The following TRIM68 variants were observed in gnomAD, a reference collection of about 807,000 sequenced individuals.
The protein encoded by TRIM68 is E3 ubiquitin-protein ligase TRIM68.
A neutral mutation model predicts 41.9 loss-of-function variants in TRIM68; 36 were observed. That is an observed-to-expected ratio of 0.86 (90% CI 0.66 to 1.14). TRIM68 has a LOEUF of 1.14. Ranked by LOEUF, TRIM68 falls within the 50% of genes most tolerant of loss-of-function variation. TRIM68 has a pLI of 0.00. For synonymous variants in TRIM68, 225 were observed against 224.6 expected (o/e 1.00, Z -0.02); for missense variants, 632 against 605.1 (o/e 1.04, Z -0.47).
Position 4,600,876 on chromosome 11 carries a change from T to C in TRIM68, c.908-50A>G, listed in dbSNP as rs1302159936. On this transcript the variant is annotated intron_variant, in intron 6 of 6. Coordinates refer to ENST00000300747, the MANE Select transcript of TRIM68 (RefSeq NM_018073.8). Reference sequence around the variant, plus strand: ...AACAGTGATATAGGGCCAGGGGACATGGGTGAGAGCCCTCTGATAAATTCA... The same window carrying C: ...AACAGTGATATAGGGCCAGGGGACACGGGTGAGAGCCCTCTGATAAATTCA... 3.8e-6 allele frequency: 6 copies of C among 1,586,266 alleles called. No individual in the cohort carries two copies. In the Admixed American group the frequency reaches 8.5e-5, roughly 23 times the overall value.
chr11:4,600,939 T>C, intron 6 of TRIM68, 88 bp downstream of exon 6: 1 of 1,568,918 alleles, frequency 6.4e-7, no homozygotes, highest in Non-Finnish European at 8.8e-7. Flanking sequence ...TGAGGCTGGA[T>C]GGAGCACCCA....
In TRIM68 at chr11:4,605,786, T is replaced by C. The variant is rs145129614; in HGVS notation, c.-57-225A>G. Reference sequence around the variant, plus strand: ...ATGGGGATGCCTAAGTGAGTGAATATTGGGAGTCCTCGGTTTTCATTCACT... The same window carrying C: ...ATGGGGATGCCTAAGTGAGTGAATACTGGGAGTCCTCGGTTTTCATTCACT... On this transcript the variant is annotated intron_variant, in intron 1 of 6. Coordinates refer to ENST00000300747, the MANE Select transcript of TRIM68 (RefSeq NM_018073.8). Among the ~76,000 whole-genome samples, 26 of 152,314 alleles carry C rather than the reference T, an allele frequency of 1.7e-4. No individual in the cohort carries two copies. The East Asian group carries it at 4.6e-3, about 27-fold the overall frequency.
In TRIM68 at chr11:4,608,037, G is replaced by C. The variant is rs1287526715; in HGVS notation, c.-68C>G. The C allele has an allele frequency of 2.0e-5, 3 of 152,320 alleles. No individual in the cohort carries two copies. The highest frequency in any genetic ancestry group is 4.4e-5 in the Non-Finnish European group (3 of 68,094). The allele number at this position is 152,320 out of a possible 1,614,324, so 9.4% of individuals were successfully genotyped here. On this transcript the variant is annotated 5_prime_UTR_variant, in exon 1 of 7. Coordinates refer to ENST00000300747, the MANE Select transcript of TRIM68 (RefSeq NM_018073.8). ...GAGTTATCTACCCACCTCCCTCCTCGGCCCGGACTGGCGCTTCGCGGCGGA... is the reference window on the plus strand; with the variant it reads ...GAGTTATCTACCCACCTCCCTCCTCCGCCCGGACTGGCGCTTCGCGGCGGA...
At chr11:4,602,715 A>C (rs925611299) in intron 3 of TRIM68, among the ~76,000 whole-genome samples, 2 of 152,202 alleles carry the variant, frequency 1.3e-5, no homozygotes, top group Admixed American at 6.5e-5. Context: ...TAAGTCTCTA[A>C]GGCAGTGTAA....
At position 4,608,136 on chromosome 11, in the gene TRIM68, A is replaced by G. The variant is rs1354880096; in HGVS notation, c.-167T>C. On this transcript the variant is annotated 5_prime_UTR_variant, in exon 1 of 7. Coordinates refer to ENST00000300747, the MANE Select transcript of TRIM68 (RefSeq NM_018073.8). ...CAGAAGCTGCCGTTCCCGGCAGCTC[A>G]GCACTTAGGGCCAGAGAGCGGCAGA... 1 of 152,420 alleles carries G rather than the reference A, an allele frequency of 6.6e-6. No homozygotes were observed. The highest frequency in any genetic ancestry group is 1.5e-5 in the Non-Finnish European group (1 of 68,178). The allele number at this position is 152,420 out of a possible 1,614,324, so 9.4% of individuals were successfully genotyped here.
Position 4,602,428 on chromosome 11 carries a change from G to A in TRIM68, c.523-16C>T, listed in dbSNP as rs374277038. 6 of 1,611,622 alleles carry A rather than the reference G, an allele frequency of 3.7e-6. No individual in the cohort carries two copies. The highest frequency in any genetic ancestry group is 1.3e-5 in the African/African-American group (1 of 74,844). On this transcript the variant is annotated splice_polypyrimidine_tract_variant and intron_variant, in intron 3 of 6. Transcript: ENST00000300747. ...CCACCTGTATCTGTGGAGCCAAGAT[G>A]GAAATCAGCACTGATACTTTCAGTC...
Position 4,602,311 on chromosome 11 carries a change from C to T in TRIM68, c.624G>A (p.Glu208=). 6.2e-7 allele frequency: 1 copy of T among 1,614,204 alleles called. No individual in the cohort carries two copies. The highest frequency in any genetic ancestry group is 8.5e-7 in the Non-Finnish European group (1 of 1,180,050). The change falls in exon 4 of 7, where the codon GAG becomes GAA. Residue 208 remains glutamate, a synonymous_variant. Coordinates refer to ENST00000300747, the MANE Select transcript of TRIM68 (RefSeq NM_018073.8). ...GTAGGCTGGCCAGAGCTGCTGCTAC[C>T]TCTGCCCCCAGCTGCCGATGTGGTG... The part of the protein sequence containing the change: ...KQPPHRQLGA[E]VAAALASLQR...
chr11:4,602,083 T>C (rs1263515533), intron 4 of TRIM68, 69 bp downstream of exon 4: 2 of 1,598,194 alleles, frequency 1.3e-6, no homozygotes. Flanking sequence ...GGGTAACTGA[T>C]GCTCTCTCCT....
intron 1 of TRIM68, among the ~76,000 whole-genome samples, chr11:4,605,813 G>C (rs770146490): frequency 6.6e-6 from 1 of 152,084 alleles, no homozygotes; most frequent in African/African-American, 2.4e-5. Flanking sequence ...TCATTCACTT[G>C]GTCAACTCTG....
In TRIM68 at chr11:4,603,346, A is replaced by G. The variant is rs1846522135; in HGVS notation, c.427-6T>C. The G allele has an allele frequency of 6.2e-7, 1 of 1,614,038 alleles. No individual in the cohort carries two copies. Among genetic ancestry groups the G allele is most frequent in the Non-Finnish European group, 8.5e-7 (1 of 1,179,950 alleles). The stretch of plus-strand genomic sequence containing the variant: ...AGGGCCTCATGAAGTTCCCACTGCA[A>G]GAGACAAAACCCTCATGAGGCCACC... On this transcript the variant is annotated splice_region_variant and splice_polypyrimidine_tract_variant and intron_variant, in intron 2 of 6. Transcript: ENST00000300747.
At position 4,605,393 on chromosome 11, in the gene TRIM68, T is replaced by G. The variant is rs755852455; in HGVS notation, c.112A>C (p.Ser38Arg). The G allele has an allele frequency of 1.9e-6, 3 of 1,614,238 alleles. No individual in the cohort carries two copies. The East Asian group carries it at 6.7e-5, about 36-fold the overall frequency. Residue 38 changes from serine (S) to arginine (R), a missense_variant, in exon 2 of 7, where the codon AGC becomes CGC. Ser to Arg is a moderately radical substitution (Grantham distance 110). Coordinates refer to ENST00000300747, the MANE Select transcript of TRIM68 (RefSeq NM_018073.8). Reference protein sequence around the residue: ...SIDCGHSFCHSCLSGLWEIPG... With the variant: ...SIDCGHSFCHRCLSGLWEIPG... ...ATCTCCCAGAGTCCAGAGAGACAGC[T>G]GTGGCAGAAGCTGTGGCCACAGTCA... is the stretch of plus-strand genomic sequence containing the variant.
At position 4,599,893 on chromosome 11, in the gene TRIM68, A is replaced by C. The variant is rs1215726000; in HGVS notation, c.*383T>G. The C allele has an allele frequency of 5.7e-6, 1 of 175,322 alleles. No individual in the cohort carries two copies. The highest frequency in any genetic ancestry group is 1.2e-5 in the Non-Finnish European group (1 of 82,928). 10.9% of individuals were successfully genotyped at this position (175,322 alleles called of 1,614,324 possible). A position where few individuals can be genotyped will look rare whatever the true frequency, so the allele number is the denominator to read the frequency against. On this transcript the variant is annotated 3_prime_UTR_variant, in exon 7 of 7. Transcript: ENST00000300747. ...GAAAGCCCATCTAATGGTGTCCTGA[A>C]GACTGTATCTACTTCATCATCCTCA...
chr11:4,600,046 G>C lies in TRIM68; in HGVS notation c.*230C>G. 1 of 477,524 alleles carries C rather than the reference G, an allele frequency of 2.1e-6. No individual in the cohort carries two copies. Among genetic ancestry groups the C allele is most frequent in the Non-Finnish European group, 3.7e-6 (1 of 270,490 alleles). The allele number at this position is 477,524 out of a possible 1,614,324, so 29.6% of individuals were successfully genotyped here. ...TCTGATCCTCACCATCAGCCCTGTC[G>C]TGCTTCCCTCATGGGATGCAATGCT... On this transcript the variant is annotated 3_prime_UTR_variant, in exon 7 of 7. Coordinates refer to ENST00000300747, the MANE Select transcript of TRIM68 (RefSeq NM_018073.8).
At chr11:4,603,150 ATTCT>A in intron 3 of TRIM68, 91 bp downstream of exon 3, 1 of 1,181,450 alleles carries the variant, frequency 8.5e-7, no homozygotes, top group South Asian at 1.2e-5. Flanking sequence ...CAAGCCTCAC[ATTCT>A]GCCTCACAGT....
intron 3 of TRIM68, among the ~76,000 whole-genome samples, chr11:4,602,801 G>T (rs1846513058): frequency 6.6e-6 from 1 of 152,184 alleles, no homozygotes; most frequent in Non-Finnish European, 1.5e-5. Context: ...GATTGGTTCA[G>T]TGTTACTTTC....
rs989163558 is a variant in TRIM68, at chr11:4,598,720, C to T, written c.*1556G>A. The stretch of plus-strand genomic sequence containing the variant: ...TTCTCCAGTTTGGCCTATTTTAACT[C>T]CTACATACATGAACAGCCAATACAA... On this transcript the variant is annotated 3_prime_UTR_variant, in exon 7 of 7. Transcript: ENST00000300747. The T allele has an allele frequency of 6.6e-5, 10 of 152,236 alleles. No individual in the cohort carries two copies. The highest frequency in any genetic ancestry group is 4.6e-4 in the Admixed American group (7 of 15,286). The allele number at this position is 152,236 out of a possible 1,614,324, so 9.4% of individuals were successfully genotyped here. A position where few individuals can be genotyped will look rare whatever the true frequency, so the allele number is the denominator to read the frequency against.
In TRIM68 at chr11:4,602,298, G is replaced by T. The variant is rs1166761550; in HGVS notation, c.637C>A (p.Leu213Met). The T allele has an allele frequency of 6.2e-7, 1 of 1,614,208 alleles. No individual in the cohort carries two copies. The highest frequency in any genetic ancestry group is 1.7e-5 in the Admixed American group (1 of 60,030). The change falls in exon 4 of 7, where the codon CTG (leucine) becomes ATG (methionine). Residue 213 changes from leucine (L) to methionine (M), a missense_variant. Physicochemically the swap from Leu to Met is conservative, Grantham distance 15 (BLOSUM62 2). Transcript: ENST00000300747. ...GCTGCCTCCCGCTGTAGGCTGGCCAGAGCTGCTGCTACCTCTGCCCCCAGC... is the reference window on the plus strand; with the variant it reads ...GCTGCCTCCCGCTGTAGGCTGGCCATAGCTGCTGCTACCTCTGCCCCCAGC... ...RQLGAEVAAA[L>M]ASLQREAAET...
Position 4,608,113 on chromosome 11 carries a change from G to A in TRIM68, c.-144C>T, listed in dbSNP as rs1410886767. On this transcript the variant is annotated 5_prime_UTR_variant, in exon 1 of 7. Transcript: ENST00000300747. ...CGCAGCGTCCAATGGCCCAGCGTCA[G>A]AAGCTGCCGTTCCCGGCAGCTCAGC... 1 of 152,344 alleles carries A rather than the reference G, an allele frequency of 6.6e-6. No individual in the cohort carries two copies. The highest frequency in any genetic ancestry group is 2.4e-5 in the African/African-American group (1 of 41,486). The allele number at this position is 152,344 out of a possible 1,614,324, so 9.4% of individuals were successfully genotyped here.
At chr11:4,605,748 C>T (rs1846560258) in intron 1 of TRIM68, among the ~76,000 whole-genome samples, 187 bp from the exon 2 acceptor site, 1 of 152,086 alleles carries the variant, frequency 6.6e-6, no homozygotes, top group African/African-American at 2.4e-5. Context: ...TTACTCATAC[C>T]ATGAAGGGGA....
Sources: allele counts gnomAD v4.1 joint callset (sites outside exome capture counted in the v4.1 genomes callset), GRCh38; gene constraint gnomAD v4.1.1; transcripts MANE v1.5; gene names NCBI Gene and HGNC (gene_info 2026-07-23, HGNC 2026-07-21).